Variants in CSPP1 observed in about 807,000 individuals in gnomAD.
The protein encoded by CSPP1 is centrosome and spindle pole-associated protein 1.
In CSPP1, 126 loss-of-function variants were observed where a neutral mutation model predicts 164.4. The ratio of observed to expected loss-of-function variants is 0.77; its 90% CI spans 0.66 to 0.89. The LOEUF is 0.89. Among genes scored for constraint, CSPP1 ranks in the 40% least tolerant of loss-of-function variants. The pLI is 0.00. For synonymous variants in CSPP1, 472 were observed against 476.7 expected (o/e 0.99, Z 0.13); for missense variants, 1,395 against 1,449.8 (o/e 0.96, Z 0.61).
chr8:67,074,811 C>T (rs1254826081), intron 2 of CSPP1: 7 of 298,370 alleles, frequency 2.3e-5, no homozygotes, highest in African/African-American at 7.2e-5. Context: ...GATAGAATCT[C>T]GCTCTGTTGG....
At chr8:67,172,343 T>C (rs1415348054) in intron 24 of CSPP1, 73 bp from the exon 25 acceptor site, 6 of 1,242,030 alleles carry the variant, frequency 4.8e-6, no homozygotes, top group East Asian at 4.7e-5. Context: ...CAAATTTCTT[T>C]TACAGTGAAT....
rs1174062944 is a variant in CSPP1, at chr8:67,195,458, T to C, written c.3546T>C (p.Thr1182=). Residue 1182 remains threonine (T), a synonymous_variant, in exon 31 of 31, where the codon ACT becomes ACC. Transcript: ENST00000678616. ...ATGACGGATCAAACTCTGTAGCAAC[T>C]GAGCCCTGGCTCCGCCCTGGCACTT... The part of the protein sequence containing the change: ...IGDDGSNSVA[T]EPWLRPGTSE... 1 of 1,614,156 alleles carries C rather than the reference T, an allele frequency of 6.2e-7. No individual in the cohort carries two copies. Among genetic ancestry groups the C allele is most frequent in the African/African-American group, 1.3e-5 (1 of 75,068 alleles).
Position 67,115,941 on chromosome 8 carries a change from G to T in CSPP1, c.1315G>T (p.Ala439Ser). 1.2e-6 allele frequency: 2 copies of T among 1,613,712 alleles called. No homozygotes were observed. Among genetic ancestry groups the T allele is most frequent in the South Asian group, 1.1e-5 (1 of 91,054 alleles). The change falls in exon 13 of 31, where the codon GCA (alanine) becomes TCA (serine). Residue 439 changes from alanine (A) to serine (S), a missense_variant. Ala to Ser is a moderately conservative substitution (Grantham distance 99). Transcript: ENST00000678616. ...TGATAGACTAAAGCAGTTTAGTGTG[G>T]CACCAAGACACTTTGAAGAGATGAT... ...EPDRLKQFSV[A>S]PRHFEEMIPP...
chr8:67,144,724 T>C (rs941101045), intron 17 of CSPP1, among the ~76,000 whole-genome samples: 1 of 152,012 alleles, frequency 6.6e-6, no homozygotes, highest in African/African-American at 2.4e-5. Context: ...TGGGAATACA[T>C]AGGTGTGAGC....
At position 67,175,289 on chromosome 8, in the gene CSPP1, A is replaced by G; in HGVS notation, c.2969-7A>G. The G allele has an allele frequency of 6.3e-7, 1 of 1,599,972 alleles. No homozygotes were observed. The highest frequency in any genetic ancestry group is 2.2e-5 in the East Asian group (1 of 44,754). On this transcript the variant is annotated splice_region_variant and splice_polypyrimidine_tract_variant and intron_variant, in intron 25 of 30. Coordinates refer to ENST00000678616, the MANE Select transcript of CSPP1 (RefSeq NM_001382391.1). ...AACTTAGTTATATAACATATTTTTT[A>G]TACCAGATTCAGAAACACGAGTTGA... is the stretch of plus-strand genomic sequence containing the variant.
intron 7 of CSPP1, among the ~76,000 whole-genome samples, chr8:67,101,877 AAGACAATAT>A (rs370008431): frequency 1.8e-4 from 27 of 152,338 alleles, no homozygotes; most frequent in Non-Finnish European, 2.9e-4. Context: ...CCTCTTGAGA[AAGACAATAT>A]AGTTGGGTAA....
At position 67,193,450 on chromosome 8, in the gene CSPP1, T is replaced by C. The variant is rs1216327344; in HGVS notation, c.3331-14T>C. ...GTGTTAATGACTTTCTGAAGTTCTG[T>C]TTTCTAACTACAGGATAGCAGTCGT... On this transcript the variant is annotated splice_polypyrimidine_tract_variant and intron_variant, in intron 29 of 30. Transcript: ENST00000678616. 6.2e-7 allele frequency: 1 copy of C among 1,606,806 alleles called. No individual in the cohort carries two copies. Among genetic ancestry groups the C allele is most frequent in the African/African-American group, 1.3e-5 (1 of 74,690 alleles).
chr8:67,073,831 G>A (rs1807340424), intron 1 of CSPP1, among the ~76,000 whole-genome samples: 1 of 152,104 alleles, frequency 6.6e-6, no homozygotes, highest in Non-Finnish European at 1.5e-5. Context: ...AATCTTAATA[G>A]GGAATTAATA....
intron 3 of CSPP1, chr8:67,080,965 C>T (rs1388247383): frequency 6.6e-6 from 1 of 152,232 alleles, no homozygotes; most frequent in African/African-American, 2.4e-5. Context: ...GCTTGATCTC[C>T]AGCCCTGCTG....
At chr8:67,084,139 T>C (rs1563510816) in intron 3 of CSPP1, 1 of 152,136 alleles carries the variant, frequency 6.6e-6, no homozygotes, top group Non-Finnish European at 1.5e-5. Context: ...TAAAAAAAGG[T>C]TTAGATTCCT....
intron 26 of CSPP1, 54 bp from the exon 27 acceptor site, chr8:67,177,626 T>C: frequency 8.7e-7 from 1 of 1,150,946 alleles, no homozygotes; most frequent in South Asian, 1.3e-5. Context: ...ATTTAATTTA[T>C]ATAGTAAGCA....
At position 67,193,546 on chromosome 8, in the gene CSPP1, G is replaced by C; in HGVS notation, c.3413G>C (p.Arg1138Thr). The C allele has an allele frequency of 6.2e-7, 1 of 1,613,744 alleles. No individual in the cohort carries two copies. The highest frequency in any genetic ancestry group is 1.1e-5 in the South Asian group (1 of 91,062). The change falls in exon 30 of 31, where the codon AGA (arginine) becomes ACA (threonine). Residue 1138 changes from arginine (R) to threonine (T), a missense_variant. Coordinates refer to ENST00000678616, the MANE Select transcript of CSPP1 (RefSeq NM_001382391.1). ...GTAAATGTTGATGAGCTTAGAGTGAGAAATGAGGAACGAATGCGAAGACTG... is the reference window on the plus strand; with the variant it reads ...GTAAATGTTGATGAGCTTAGAGTGACAAATGAGGAACGAATGCGAAGACTG... ...SSVNVDELRV[R>T]NEERMRRLNE...
intron 15 of CSPP1, among the ~76,000 whole-genome samples, chr8:67,122,282 C>T (rs1471718223): frequency 2.6e-5 from 4 of 151,188 alleles, no homozygotes; most frequent in African/African-American, 7.3e-5. Flanking sequence ...CTTTGGGTTC[C>T]GTTTGCTCTC....
At chr8:67,159,834 CT>C (rs1172983509) in intron 21 of CSPP1, among the ~76,000 whole-genome samples, 13 of 127,294 alleles carry the variant, frequency 1.0e-4, no homozygotes, top group African/African-American at 4.9e-4. Flanking sequence ...CTCTCTCTTT[CT>C]TTCTTTCTTT....
At chr8:67,174,105 T>C (rs1485795094) in intron 25 of CSPP1, 1 of 152,184 alleles carries the variant, frequency 6.6e-6, no homozygotes, top group East Asian at 1.9e-4. Context: ...CAAAAAGGTT[T>C]AAGCCATAGA....
chr8:67,185,312 C>A (rs1834280253), intron 28 of CSPP1, among the ~76,000 whole-genome samples: 1 of 152,148 alleles, frequency 6.6e-6, no homozygotes, highest in Non-Finnish European at 1.5e-5. Flanking sequence ...CGGTTGTGAA[C>A]TAAAGGCCGA....
At chr8:67,114,005 A>G (rs1449079793) in intron 11 of CSPP1, 143 bp downstream of exon 11, 4 of 535,362 alleles carry the variant, frequency 7.5e-6, no homozygotes, top group Non-Finnish European at 1.4e-5. Context: ...TTCAGTTCTC[A>G]TAAAGTGTAA....
At position 67,137,550 on chromosome 8, in the gene CSPP1, G is replaced by A; in HGVS notation, c.1922G>A (p.Trp641Ter). ...GCTGAAATGAGAACATATAATCCCTGGGGAAAAGGTGGAGGTGGTGCTCCT... is the reference window on the plus strand; with the variant it reads ...GCTGAAATGAGAACATATAATCCCTAGGGAAAAGGTGGAGGTGGTGCTCCT... ...LEAEMRTYNP[W>*]GKGGGGAPLR... The change falls in exon 17 of 31, where the codon TGG (tryptophan) becomes TAG (stop). Residue 641 changes from tryptophan (W) to a stop codon, truncating the protein, a stop_gained. Coordinates refer to ENST00000678616, the MANE Select transcript of CSPP1 (RefSeq NM_001382391.1). LOFTEE classifies it high-confidence loss of function. 1 of 1,595,088 alleles carries A rather than the reference G, an allele frequency of 6.3e-7. No individual in the cohort carries two copies. Among genetic ancestry groups the A allele is most frequent in the Non-Finnish European group, 8.5e-7 (1 of 1,170,392 alleles).
chr8:67,097,123 G>A (rs182455987), intron 7 of CSPP1, among the ~76,000 whole-genome samples: 393 of 152,084 alleles, frequency 2.6e-3, no homozygotes, highest in Non-Finnish European at 4.5e-3. Flanking sequence ...AATACCTCAG[G>A]GTCTCATATT....
Sources: gnomAD v4.1 joint callset for allele counts (sites outside exome capture counted in the v4.1 genomes callset) on GRCh38, gnomAD v4.1.1 for gene constraint, MANE v1.5 for transcripts, NCBI Gene and HGNC (gene_info 2026-07-23, HGNC 2026-07-21) for gene names.